STAMBPL1: variants seen among roughly 807,000 people sequenced by gnomAD.
STAMBPL1 encodes AMSH-like protease.
STAMBPL1 carries 44 observed loss-of-function variants against 52.9 expected under a neutral mutation model. The ratio of observed to expected loss-of-function variants is 0.83; its 90% CI spans 0.65 to 1.07. STAMBPL1 has a LOEUF of 1.07. STAMBPL1 is among the 50% of genes least tolerant of loss of function. The pLI, the probability that STAMBPL1 is intolerant of heterozygous loss-of-function variation, is 0.00. For missense variants in STAMBPL1, 511 were observed against 520.8 expected (o/e 0.98, Z 0.18); for synonymous variants, 164 against 177.3 (o/e 0.92, Z 0.60).
intron 7 of STAMBPL1, among the ~76,000 whole-genome samples, chr10:88,914,950 G>A (rs577750608): frequency 7.2e-5 from 11 of 152,166 alleles, no homozygotes; most frequent in Middle Eastern, 3.4e-3. Context: ...TAGGTCTTCA[G>A]ATTTCCAAAT....
chr10:88,915,331 G>A (rs1305710799), intron 7 of STAMBPL1, among the ~76,000 whole-genome samples: 1 of 152,112 alleles, frequency 6.6e-6, no homozygotes, highest in African/African-American at 2.4e-5. Flanking sequence ...TATATTTTCA[G>A]TTCTCAAAAT....
chr10:88,890,618 G>T (rs1334132857), intron 1 of STAMBPL1, among the ~76,000 whole-genome samples: 1 of 152,196 alleles, frequency 6.6e-6, no homozygotes, highest in Non-Finnish European at 1.5e-5. Flanking sequence ...GTAAGTGATT[G>T]GATGTTGGTA....
chr10:88,905,356 C>T, intron 2 of STAMBPL1, 87 bp from the exon 3 acceptor site: 3 of 1,026,538 alleles, frequency 2.9e-6, no homozygotes, highest in Non-Finnish European at 1.5e-6. Flanking sequence ...TTAGGTTCCT[C>T]ATAAAGAACA....
At chr10:88,884,913 A>G (rs1844492668) in intron 1 of STAMBPL1, among the ~76,000 whole-genome samples, 1 of 152,200 alleles carries the variant, frequency 6.6e-6, no homozygotes, top group Non-Finnish European at 1.5e-5. Flanking sequence ...TTTTCAATTG[A>G]AACGTTAGTT....
intron 3 of STAMBPL1, among the ~76,000 whole-genome samples, 194 bp from the exon 4 acceptor site, chr10:88,908,508 G>T (rs10732829): frequency 1 from 151,712 of 152,350 alleles, 75,541 homozygotes; most frequent in Middle Eastern, 1. Context: ...GTGCTTAGTT[G>T]GTTGAGCTTA....
intron 2 of STAMBPL1, among the ~76,000 whole-genome samples, chr10:88,903,598 T>C (rs1270874873): frequency 6.6e-6 from 1 of 152,188 alleles, no homozygotes; most frequent in Admixed American, 6.5e-5. Context: ...TTTTCATAGA[T>C]TTTTTTTCTA....
At position 88,923,448 on chromosome 10, in the gene STAMBPL1, C is replaced by A; in HGVS notation, c.*224C>A. 1 of 1,243,608 alleles carries A rather than the reference C, an allele frequency of 8.0e-7. No individual in the cohort carries two copies. Among genetic ancestry groups the A allele is most frequent in the Non-Finnish European group, 1.0e-6 (1 of 994,342 alleles). 77.0% of individuals were successfully genotyped at this position (1,243,608 alleles called of 1,614,324 possible). A position where few individuals can be genotyped will look rare whatever the true frequency, so the allele number is the denominator to read the frequency against. On this transcript the variant is annotated 3_prime_UTR_variant, in exon 11 of 11. Coordinates refer to ENST00000371926, the MANE Select transcript of STAMBPL1 (RefSeq NM_020799.4). ...GTTAAATCGGTACCTGATAATGTAC[C>A]CAAATACTATGGCCAGATAATAAAT...
chr10:88,885,053 C>T (rs1771672417), intron 1 of STAMBPL1, among the ~76,000 whole-genome samples: 1 of 152,160 alleles, frequency 6.6e-6, no homozygotes, highest in Admixed American at 6.5e-5. Flanking sequence ...TTTAAACAAC[C>T]TTATGCCTAA....
chr10:88,907,238 C>T (rs1845098392), intron 3 of STAMBPL1, among the ~76,000 whole-genome samples: 1 of 152,156 alleles, frequency 6.6e-6, no homozygotes, highest in African/African-American at 2.4e-5. Flanking sequence ...AATTGCCTTC[C>T]ATGATTCTAC....
At chr10:88,882,057 A>T (rs1487083005) in intron 1 of STAMBPL1, 1 of 152,244 alleles carries the variant, frequency 6.6e-6, no homozygotes, top group Non-Finnish European at 1.5e-5. Context: ...GCTTTTGCGT[A>T]TACGTTGGCT....
At chr10:88,912,001 G>T (rs752184040) in intron 5 of STAMBPL1, among the ~76,000 whole-genome samples, 20 of 152,156 alleles carry the variant, frequency 1.3e-4, no homozygotes, top group Non-Finnish European at 2.5e-4. Context: ...AGGCTCTGCA[G>T]CTGTTGCATG....
At chr10:88,888,162 C>A (rs1233860530) in intron 1 of STAMBPL1, among the ~76,000 whole-genome samples, 1 of 151,894 alleles carries the variant, frequency 6.6e-6, no homozygotes, top group Non-Finnish European at 1.5e-5. Flanking sequence ...TTGGATAGGG[C>A]AGAGATGGAT....
rs77094826 is a variant in STAMBPL1, at chr10:88,915,269, C to A, written c.903+611C>A. Among the ~76,000 whole-genome samples the A allele has an allele frequency of 2.1e-3, 322 of 152,262 alleles. 4 individuals carry two copies. Among genetic ancestry groups the A allele is most frequent in the Admixed American group, 0.014 (216 of 15,276 alleles). ...ACAACAGAGATAATGTTTCTTTGGA[C>A]GTGTCCTTTCATAGTCTGTTTTGAG... is the stretch of plus-strand genomic sequence containing the variant. On this transcript the variant is annotated intron_variant, in intron 7 of 10. Transcript: ENST00000371926.
At chr10:88,897,257 T>C (rs1844834963) in intron 1 of STAMBPL1, among the ~76,000 whole-genome samples, 1 of 152,202 alleles carries the variant, frequency 6.6e-6, no homozygotes, top group Non-Finnish European at 1.5e-5. Flanking sequence ...ACTTGTTAGC[T>C]GAATCTCTGG....
chr10:88,892,193 A>C (rs1258229611), intron 1 of STAMBPL1, among the ~76,000 whole-genome samples: 1 of 152,148 alleles, frequency 6.6e-6, no homozygotes, highest in Non-Finnish European at 1.5e-5. Context: ...CCAGGTGCTT[A>C]GTGGGGGTTT....
At chr10:88,885,130 A>G (rs1844499554) in intron 1 of STAMBPL1, among the ~76,000 whole-genome samples, 1 of 152,226 alleles carries the variant, frequency 6.6e-6, no homozygotes, top group African/African-American at 2.4e-5. Context: ...ATAGGCTGGT[A>G]AATGATAGAG....
chr10:88,921,504 C>T lies in STAMBPL1; in HGVS notation c.1154+109C>T, dbSNP rs950196069. ...TACTTGGATTGGCAAGCACACAACG[C>T]CCTCGGGAAAAAGAGATGGGTAGTA... is the stretch of plus-strand genomic sequence containing the variant. On this transcript the variant is annotated intron_variant, in intron 9 of 10. Transcript: ENST00000371926. 7 of 809,666 alleles carry T rather than the reference C, an allele frequency of 8.6e-6. No homozygotes were observed. In the Admixed American group the frequency reaches 1.3e-4, roughly 15 times the overall value. The allele number at this position is 809,666 out of a possible 1,614,324, so 50.2% of individuals were successfully genotyped here.
At chr10:88,921,788 A>G (rs1214980033) in intron 9 of STAMBPL1, among the ~76,000 whole-genome samples, 1 of 152,158 alleles carries the variant, frequency 6.6e-6, no homozygotes, top group Non-Finnish European at 1.5e-5. Flanking sequence ...GGGAATCAAA[A>G]AAACATATTG....
At chr10:88,919,844 T>C (rs2133215787) in intron 8 of STAMBPL1, among the ~76,000 whole-genome samples, 1 of 152,064 alleles carries the variant, frequency 6.6e-6, no homozygotes, top group East Asian at 1.9e-4. Flanking sequence ...GTCTTGCCTT[T>C]TTTTTTTTCA....
Sources: gnomAD v4.1 joint callset for allele counts (sites outside exome capture counted in the v4.1 genomes callset) on GRCh38, gnomAD v4.1.1 for gene constraint, MANE v1.5 for transcripts, NCBI Gene and HGNC (gene_info 2026-07-23, HGNC 2026-07-21) for gene names.